The following CDC42BPA variants were observed in gnomAD, a reference collection of about 807,000 sequenced individuals.
CDC42BPA encodes the protein serine/threonine-protein kinase MRCK alpha.
A neutral mutation model predicts 223.5 loss-of-function variants in CDC42BPA; 80 were observed. The ratio of observed to expected loss-of-function variants is 0.36; its 90% confidence interval spans 0.30 to 0.43. CDC42BPA has a LOEUF of 0.43. Among genes scored for constraint, CDC42BPA ranks in the 20% least tolerant of loss-of-function variants. The probability of loss-of-function intolerance (pLI) is 1.00; values close to 1 mark genes in which losing one functional copy is unlikely to be tolerated. For missense variants in CDC42BPA, 1,743 were observed against 2,099.9 expected (o/e 0.83, Z 3.32); for synonymous variants, 694 against 718.6 (o/e 0.97, Z 0.55).
In CDC42BPA at chr1:227,101,225, A is replaced by G. The variant is rs1684999487; in HGVS notation, c.2016T>C (p.Ser672=). ...CTATGCTGCATACTCCTGGTGAGTAACTAATTTGTTTTTGCTATAGAAATA... is the reference window on the plus strand; with the variant it reads ...CTATGCTGCATACTCCTGGTGAGTAGCTAATTTGTTTTTGCTATAGAAATA... ...ELEGLKQKQI[S]YSPGVCSIEH... The change falls in exon 15 of 37, where the codon AGT becomes AGC. Residue 672 remains serine, a synonymous_variant. Coordinates refer to ENST00000366766, the MANE Select transcript of CDC42BPA (RefSeq NM_001394014.1). 7 of 1,542,206 alleles carry G rather than the reference A, an allele frequency of 4.5e-6. No individual in the cohort carries two copies. Among genetic ancestry groups the G allele is most frequent in the Non-Finnish European group, 6.1e-6 (7 of 1,143,752 alleles).
In CDC42BPA at chr1:227,176,701, C is replaced by T. The variant is rs1023104293; in HGVS notation, c.600-16065G>A. ...GAAGCTCATTTTCTAGTAGGTTATA[C>T]TAGAAAATGTATACTATACTAACTA... On this transcript the variant is annotated intron_variant, in intron 5 of 36. Coordinates refer to ENST00000366766, the MANE Select transcript of CDC42BPA (RefSeq NM_001394014.1). Among the ~76,000 whole-genome samples the T allele has an allele frequency of 4.6e-5, 7 of 152,040 alleles. No individual in the cohort carries two copies. The East Asian group carries it at 1.3e-3, about 29-fold the overall frequency.
intron 23 of CDC42BPA, 81 bp downstream of exon 23, chr1:227,047,846 C>CA (rs1433264494): frequency 2.0e-5 from 14 of 706,372 alleles, no homozygotes; most frequent in Middle Eastern, 2.6e-4. Flanking sequence ...GAAATAATAT[C>CA]AAAAAAATCA....
chr1:227,095,084 T>C (rs1207007803), intron 15 of CDC42BPA, among the ~76,000 whole-genome samples: 4 of 152,232 alleles, frequency 2.6e-5, no homozygotes, highest in African/African-American at 7.2e-5. Flanking sequence ...GTATTCCAGA[T>C]TGGCTATTGC....
At position 227,318,046 on chromosome 1, in the gene CDC42BPA, C is replaced by T. The variant is rs1328485764; in HGVS notation, c.-864G>A. 2.2e-5 allele frequency: 7 copies of T among 324,280 alleles called. No individual in the cohort carries two copies. Among genetic ancestry groups the T allele is most frequent in the Admixed American group, 9.8e-5 (2 of 20,314 alleles). 20.1% of individuals were successfully genotyped at this position (324,280 alleles called of 1,614,324 possible). A position where few individuals can be genotyped will look rare whatever the true frequency, so the allele number is the denominator to read the frequency against. Reference sequence around the variant, plus strand: ...TTGGCCGCCCGAGCCCACTCCATGTCGGTGGTCGCTCGTGGGCCGAGCCGC... The same window carrying T: ...TTGGCCGCCCGAGCCCACTCCATGTTGGTGGTCGCTCGTGGGCCGAGCCGC... On this transcript the variant is annotated 5_prime_UTR_variant, in exon 1 of 37. Transcript: ENST00000366766.
In CDC42BPA at chr1:226,994,189, G is replaced by C; in HGVS notation, c.*79C>G. 1 of 1,431,178 alleles carries C rather than the reference G, an allele frequency of 7.0e-7. No individual in the cohort carries two copies. The highest frequency in any genetic ancestry group is 9.5e-7 in the Non-Finnish European group (1 of 1,052,894). 88.7% of individuals were successfully genotyped at this position (1,431,178 alleles called of 1,614,324 possible). ...CTGGTGGCTTTCAGGCCGAGCAGGC[G>C]AGGTGGAGGGAAGAGATGAAAGTGA... On this transcript the variant is annotated 3_prime_UTR_variant, in exon 37 of 37. Coordinates refer to ENST00000366766, the MANE Select transcript of CDC42BPA (RefSeq NM_001394014.1). The surrounding 1 kb of genome is among the most constrained non-coding windows in gnomAD (Gnocchi z 4.0).
chr1:227,089,650 T>TA (rs1682709404), intron 16 of CDC42BPA, among the ~76,000 whole-genome samples: 4 of 132,922 alleles, frequency 3.0e-5, no homozygotes, highest in African/African-American at 8.5e-5. Flanking sequence ...TTTTTTTTTT[T>TA]TAAAAACAAA....
intron 1 of CDC42BPA, among the ~76,000 whole-genome samples, chr1:227,266,275 T>C (rs889457036): frequency 3.3e-5 from 5 of 152,196 alleles, no homozygotes; most frequent in Middle Eastern, 3.2e-3. Context: ...CTTTCCTTAA[T>C]GAGTAAGAAG....
intron 23 of CDC42BPA, among the ~76,000 whole-genome samples, chr1:227,041,957 G>C (rs1671465179): frequency 6.6e-6 from 1 of 152,116 alleles, no homozygotes; most frequent in Admixed American, 6.5e-5. Flanking sequence ...TTATATGAAG[G>C]AATCTATTAA....
At chr1:227,308,509 C>CAAA (rs34849679) in intron 1 of CDC42BPA, among the ~76,000 whole-genome samples, 1,347 of 89,662 alleles carry the variant, frequency 0.015, 26 homozygotes, top group East Asian at 0.051. Flanking sequence ...GACTGTATCT[C>CAAA]AAAAAAAAAA....
chr1:227,125,602 T>C (rs1244266359), intron 11 of CDC42BPA, among the ~76,000 whole-genome samples: 5 of 117,584 alleles, frequency 4.3e-5, no homozygotes, highest in African/African-American at 1.7e-4. Context: ...GTCTACAAAT[T>C]AAAAAAAAAA....
intron 1 of CDC42BPA, among the ~76,000 whole-genome samples, chr1:227,255,930 T>C (rs1482175251): frequency 1.3e-5 from 2 of 152,034 alleles, no homozygotes; most frequent in African/African-American, 4.8e-5. Context: ...ACAATGGCAT[T>C]ACAGAAATAG....
At chr1:227,213,036 A>G (rs1241171004) in intron 3 of CDC42BPA, 100 bp downstream of exon 3, 18 of 594,758 alleles carry the variant, frequency 3.0e-5, no homozygotes, top group Non-Finnish European at 4.3e-5. Context: ...CACCACAGAC[A>G]AAATGTTACC....
chr1:227,007,937 A>C (rs1216973403), intron 34 of CDC42BPA, among the ~76,000 whole-genome samples: 1 of 152,176 alleles, frequency 6.6e-6, no homozygotes, highest in African/African-American at 2.4e-5. Flanking sequence ...AACCCAGGGG[A>C]ACACTGTTGG....
chr1:227,198,246 T>G (rs1336000273), intron 4 of CDC42BPA, among the ~76,000 whole-genome samples: 1 of 150,238 alleles, frequency 6.7e-6, no homozygotes, highest in Non-Finnish European at 1.5e-5. Context: ...AAGCCAAGAG[T>G]TCAAGACGAG....
chr1:227,140,659 A>G (rs749443647), intron 9 of CDC42BPA, among the ~76,000 whole-genome samples: 1 of 152,186 alleles, frequency 6.6e-6, no homozygotes, highest in Non-Finnish European at 1.5e-5. Context: ...TTGGAGTTAA[A>G]ATATGAAGCC....
At chr1:227,189,665 C>T (rs1268885910) in intron 5 of CDC42BPA, among the ~76,000 whole-genome samples, 1 of 152,114 alleles carries the variant, frequency 6.6e-6, no homozygotes, top group Non-Finnish European at 1.5e-5. Context: ...TTTAATTATT[C>T]GTACCATTTG....
intron 34 of CDC42BPA, among the ~76,000 whole-genome samples, chr1:227,012,278 A>C (rs969372664): frequency 1.3e-5 from 2 of 152,190 alleles, no homozygotes; most frequent in African/African-American, 4.8e-5. Flanking sequence ...TTAGAGAAAA[A>C]TTTGTTCTTT....
chr1:227,159,844 C>G (rs1663542863), intron 6 of CDC42BPA, among the ~76,000 whole-genome samples: 1 of 151,346 alleles, frequency 6.6e-6, no homozygotes, highest in Admixed American at 6.6e-5. Flanking sequence ...CTGGGTGGCT[C>G]TGGGGGAGTG....
chr1:227,100,797 G>T (rs1684921756), intron 15 of CDC42BPA, among the ~76,000 whole-genome samples, 195 bp downstream of exon 15: 2 of 114,826 alleles, frequency 1.7e-5, no homozygotes. Flanking sequence ...ATCATACCCA[G>T]CTAGAAGTAA....
Sources: gnomAD v4.1 joint callset for allele counts (sites outside exome capture counted in the v4.1 genomes callset) on GRCh38, gnomAD v4.1.1 for gene constraint, Gnocchi (gnomAD v3.1) non-coding constraint, MANE v1.5 for transcripts, NCBI Gene and HGNC (gene_info 2026-07-23, HGNC 2026-07-21) for gene names.